HACE1: variants seen among roughly 807,000 people sequenced by gnomAD.
HACE1 encodes E3 ubiquitin-protein ligase HACE1.
A neutral mutation model predicts 118.4 loss-of-function variants in HACE1; 73 were observed. The ratio of observed to expected loss-of-function variants is 0.62; its 90% CI spans 0.51 to 0.75. HACE1 has a LOEUF of 0.75. Among genes scored for constraint, HACE1 ranks in the 30% least tolerant of loss-of-function variants. The probability of loss-of-function intolerance (pLI) is 0.00; values close to 1 mark genes in which losing one functional copy is unlikely to be tolerated. For missense variants in HACE1, 749 were observed against 1,102.2 expected (o/e 0.68, Z 4.54); for synonymous variants, 368 against 374.8 (o/e 0.98, Z 0.21).
At chr6:104,808,100 C>T (rs1294710335) in intron 7 of HACE1, among the ~76,000 whole-genome samples, 2 of 151,856 alleles carry the variant, frequency 1.3e-5, no homozygotes, top group African/African-American at 2.4e-5. Context: ...GCAGGAGAAT[C>T]GCTTGAAGCC....
chr6:104,842,936 AC>A (rs1264272507), intron 5 of HACE1, among the ~76,000 whole-genome samples: 1 of 152,148 alleles, frequency 6.6e-6, no homozygotes, highest in Non-Finnish European at 1.5e-5. Flanking sequence ...ACATGGTGAA[AC>A]CCCACCTCTA....
chr6:104,737,869 G>A (rs1366188271), intron 22 of HACE1, among the ~76,000 whole-genome samples: 2 of 152,310 alleles, frequency 1.3e-5, no homozygotes, highest in Admixed American at 6.5e-5. Flanking sequence ...TCCACCTCTG[G>A]GGGCAGGGCA....
chr6:104,783,516 A>G (rs1001360071), intron 14 of HACE1, among the ~76,000 whole-genome samples: 5 of 152,216 alleles, frequency 3.3e-5, no homozygotes, highest in African/African-American at 1.2e-4. Context: ...GAAGAAACCA[A>G]GGGCTCAAGG....
intron 14 of HACE1, among the ~76,000 whole-genome samples, chr6:104,777,955 C>T (rs1020287010): frequency 1.3e-5 from 2 of 152,098 alleles, no homozygotes; most frequent in Non-Finnish European, 2.9e-5. Context: ...AGAGAGGTTT[C>T]ACCATGTTAG....
chr6:104,821,085 G>A (rs2115018613), intron 6 of HACE1, among the ~76,000 whole-genome samples: 1 of 152,230 alleles, frequency 6.6e-6, no homozygotes, highest in South Asian at 2.1e-4. Flanking sequence ...AACTAACACA[G>A]GAACAGAAAA....
At chr6:104,738,853 A>G (rs1776262198) in intron 22 of HACE1, among the ~76,000 whole-genome samples, 1 of 150,908 alleles carries the variant, frequency 6.6e-6, no homozygotes, top group Non-Finnish European at 1.5e-5. Context: ...AGCAACTCCA[A>G]GACACATAAC....
chr6:104,784,342 T>G, intron 13 of HACE1, 75 bp downstream of exon 13: 1 of 1,035,598 alleles, frequency 9.7e-7, no homozygotes, highest in African/African-American at 1.6e-5. Context: ...GAAATAGTAT[T>G]TTTTCTGTTT....
At chr6:104,742,177 C>T (rs1309133299) in intron 22 of HACE1, among the ~76,000 whole-genome samples, 28 of 132,854 alleles carry the variant, frequency 2.1e-4, no homozygotes, top group African/African-American at 7.1e-4. Context: ...GGATTAAAGA[C>T]TTAAACGTTA....
intron 6 of HACE1, among the ~76,000 whole-genome samples, chr6:104,831,978 GAGA>G (rs1773989541): frequency 1.9e-5 from 1 of 53,774 alleles, no homozygotes; most frequent in African/African-American, 1.0e-4. Context: ...GAGAAGAGAA[GAGA>G]GGAAGGAAGG....
At position 104,859,757 on chromosome 6, in the gene HACE1, C is replaced by A; in HGVS notation, c.-115G>T. 1.0e-6 allele frequency: 1 copy of A among 991,858 alleles called. No individual in the cohort carries two copies. The highest frequency in any genetic ancestry group is 1.5e-5 in the South Asian group (1 of 66,096). The allele number at this position is 991,858 out of a possible 1,614,324, so 61.4% of individuals were successfully genotyped here. On this transcript the variant is annotated 5_prime_UTR_variant, in exon 1 of 24. Transcript: ENST00000262903. ...AGCAGGCGGAGACGCGGGCTTGCCC[C>A]GGCTAGAGCACTGAGCTGCGAGGGC...
intron 22 of HACE1, chr6:104,731,379 T>A (rs1444238146): frequency 2.6e-5 from 4 of 151,376 alleles, no homozygotes; most frequent in African/African-American, 9.7e-5. Flanking sequence ...TTTAGGTCAC[T>A]GAAAAAAAAA....
intron 11 of HACE1, among the ~76,000 whole-genome samples, chr6:104,790,522 GCAGA>G (rs1782912886): frequency 6.6e-6 from 1 of 152,212 alleles, no homozygotes; most frequent in Non-Finnish European, 1.5e-5. Context: ...GGAGGCAGAG[GCAGA>G]CAGACTGCTT....
chr6:104,841,176 T>G (rs532638944), intron 5 of HACE1, among the ~76,000 whole-genome samples: 1 of 150,830 alleles, frequency 6.6e-6, no homozygotes, highest in East Asian at 1.9e-4. Flanking sequence ...AGTTTGGAGG[T>G]TGGGGAGGAA....
intron 11 of HACE1, chr6:104,786,191 A>G (rs927339276): frequency 6.6e-6 from 1 of 151,896 alleles, no homozygotes; most frequent in Non-Finnish European, 1.5e-5. Context: ...AATACAAAAA[A>G]TTAGCCAGAC....
chr6:104,748,447 A>G (rs1023131878), intron 20 of HACE1, among the ~76,000 whole-genome samples: 3 of 152,228 alleles, frequency 2.0e-5, no homozygotes, highest in Non-Finnish European at 4.4e-5. Context: ...GCTAGTGAGA[A>G]TGCAGAACAC....
chr6:104,746,504 C>G (rs1210487948), intron 20 of HACE1, among the ~76,000 whole-genome samples: 1 of 152,180 alleles, frequency 6.6e-6, no homozygotes, highest in Non-Finnish European at 1.5e-5. Flanking sequence ...TCTGCTCCCC[C>G]ACTGCTTCAG....
At chr6:104,843,434 A>G in intron 4 of HACE1, 136 bp from the exon 5 acceptor site, 1 of 684,792 alleles carries the variant, frequency 1.5e-6, no homozygotes, top group Non-Finnish European at 2.7e-6. Context: ...ATCAAGCCAT[A>G]TCTGCAATAT....
intron 22 of HACE1, among the ~76,000 whole-genome samples, chr6:104,734,686 G>C (rs1013683829): frequency 6.6e-6 from 1 of 152,134 alleles, no homozygotes; most frequent in African/African-American, 2.4e-5. Flanking sequence ...GTGTGGATTT[G>C]CCACACTTCA....
At chr6:104,766,991 A>C (rs1298928296) in intron 19 of HACE1, 2 of 152,334 alleles carry the variant, frequency 1.3e-5, no homozygotes, top group East Asian at 1.9e-4. Context: ...TCACAGAGTT[A>C]AGTATAATAC....
Sources: gnomAD v4.1 joint callset for allele counts (sites outside exome capture counted in the v4.1 genomes callset) on GRCh38, gnomAD v4.1.1 for gene constraint, MANE v1.5 for transcripts, NCBI Gene and HGNC (gene_info 2026-07-23, HGNC 2026-07-21) for gene names.